POMK: variants seen among roughly 807,000 people sequenced by gnomAD.
POMK encodes the protein protein O-mannose kinase, also known as Sugen kinase 196.
A neutral mutation model predicts 23.0 loss-of-function variants in POMK; 19 were observed. The ratio of observed to expected loss-of-function variants is 0.83; its 90% CI spans 0.58 to 1.21. The LOEUF (loss-of-function observed/expected upper bound fraction) is 1.21, where lower values mean the gene tolerates loss of function less well. Among genes scored for constraint, POMK ranks in the 50% most tolerant of loss-of-function variants. The pLI is 0.00. For synonymous variants in POMK, 173 were observed against 171.6 expected, an observed-to-expected ratio of 1.01 and a Z score of -0.06; for missense variants, 410 against 431.3, an observed-to-expected ratio of 0.95 and a Z score of 0.44.
chr8:43,101,142 G>A (rs1355906060), intron 2 of POMK, among the ~76,000 whole-genome samples: 1 of 152,024 alleles, frequency 6.6e-6, no homozygotes, highest in Non-Finnish European at 1.5e-5. Flanking sequence ...AATTTAAAAG[G>A]CCAGGTGCAG....
Position 43,122,558 on chromosome 8 carries a change from G to T in POMK, c.734G>T (p.Gly245Val), listed in dbSNP as rs772247645. 6.2e-7 allele frequency: 1 copy of T among 1,614,176 alleles called. No individual in the cohort carries two copies. The highest frequency in any genetic ancestry group is 2.2e-5 in the East Asian group (1 of 44,886). Reference sequence around the variant, plus strand: ...AGCTCCGGGATGCTGGTGAAGTGCGGCCACAGGGAGCTGCATGGGGATTTC... The same window carrying T: ...AGCTCCGGGATGCTGGTGAAGTGCGTCCACAGGGAGCTGCATGGGGATTTC... ...NHSSGMLVKC[G>V]HRELHGDFVA... The change falls in exon 5 of 5, where the codon GGC becomes GTC. Residue 245 changes from glycine to valine, a missense_variant. Gly to Val is a moderately radical substitution (Grantham distance 109, BLOSUM62 -3). Transcript: ENST00000331373.
intron 4 of POMK, among the ~76,000 whole-genome samples, chr8:43,115,398 C>T (rs909204068): frequency 1.6e-4 from 24 of 152,310 alleles, no homozygotes; most frequent in African/African-American, 5.1e-4. Flanking sequence ...AAACTCACCA[C>T]GTCACAGATC....
chr8:43,122,744 T>C lies in POMK; in HGVS notation c.920T>C (p.Phe307Ser). 6.2e-7 allele frequency: 1 copy of C among 1,614,198 alleles called. No homozygotes were observed. Among genetic ancestry groups the C allele is most frequent in the Non-Finnish European group, 8.5e-7 (1 of 1,180,042 alleles). The part of the protein sequence containing the change: ...EGSDMVRFHL[F>S]DIHKACKSQT... ...AGTGATATGGTCCGATTCCATTTGT[T>C]TGATATTCACAAAGCATGCAAGAGC... Residue 307 changes from phenylalanine to serine, a missense_variant, in exon 5 of 5, where the codon TTT becomes TCT. Transcript: ENST00000331373.
At chr8:43,098,785 A>G (rs890997291) in intron 2 of POMK, among the ~76,000 whole-genome samples, 3 of 152,088 alleles carry the variant, frequency 2.0e-5, no homozygotes, top group African/African-American at 7.2e-5. Flanking sequence ...TTTTTGTATT[A>G]TAGCCATCCT....
intron 4 of POMK, among the ~76,000 whole-genome samples, chr8:43,121,850 T>C (rs1430845165): frequency 6.6e-6 from 1 of 152,232 alleles, no homozygotes; most frequent in African/African-American, 2.4e-5. Context: ...GCAGCAGCTC[T>C]CAGTGTCCTG....
intron 1 of POMK, among the ~76,000 whole-genome samples, chr8:43,094,573 A>G (rs907222115): frequency 1.3e-5 from 2 of 152,198 alleles, no homozygotes; most frequent in Non-Finnish European, 2.9e-5. Flanking sequence ...CCTTTGCTAT[A>G]GAACCTTAAG....
intron 1 of POMK, among the ~76,000 whole-genome samples, chr8:43,094,658 A>T (rs990356170): frequency 6.6e-6 from 1 of 152,284 alleles, no homozygotes; most frequent in Non-Finnish European, 1.5e-5. Flanking sequence ...ATGGAATTCT[A>T]CTCTAAACTG....
rs771820969 is a variant in POMK, at chr8:43,122,928, A to G, written c.*51A>G. On this transcript the variant is annotated 3_prime_UTR_variant, in exon 5 of 5. Transcript: ENST00000331373. ...GATTGAAGGGCTGAATGGAAGTTAC[A>G]GCATTCTACTCTGATGGTGGAGTTT... 2 of 1,489,812 alleles carry G rather than the reference A, an allele frequency of 1.3e-6. No homozygotes were observed. Among genetic ancestry groups the G allele is most frequent in the Admixed American group, 4.0e-5 (2 of 50,378 alleles). The allele number at this position is 1,489,812 out of a possible 1,614,324, so 92.3% of individuals were successfully genotyped here.
At chr8:43,098,944 A>C (rs1424002011) in intron 2 of POMK, among the ~76,000 whole-genome samples, 6 of 152,046 alleles carry the variant, frequency 3.9e-5, no homozygotes, top group African/African-American at 1.4e-4. Flanking sequence ...CCCATTTTAA[A>C]AATTTTATTT....
chr8:43,112,606 T>C (rs1811699264), intron 4 of POMK, among the ~76,000 whole-genome samples: 1 of 151,880 alleles, frequency 6.6e-6, no homozygotes, highest in Non-Finnish European at 1.5e-5. Context: ...CCAAGACACA[T>C]AATTGTCAGA....
Position 43,097,557 on chromosome 8 carries a change from A to G in POMK, c.-176A>G, listed in dbSNP as rs141174118. 7.4e-4 allele frequency: 112 copies of G among 152,338 alleles called. No individual in the cohort carries two copies. Among genetic ancestry groups the G allele is most frequent in the African/African-American group, 2.6e-3 (108 of 41,560 alleles). The allele number at this position is 152,338 out of a possible 1,614,324, so 9.4% of individuals were successfully genotyped here. A position where few individuals can be genotyped will look rare whatever the true frequency, so the allele number is the denominator to read the frequency against. On this transcript the variant is annotated 5_prime_UTR_variant, in exon 2 of 5. An upstream start codon of the reference 5' UTR is lost. Coordinates refer to ENST00000331373, the MANE Select transcript of POMK (RefSeq NM_032237.5). ...TCCTGTTTGCTGTGTAATCCTGAGA[A>G]TGGACTGCAAGAGAGGAAAAACTGG...
intron 4 of POMK, among the ~76,000 whole-genome samples, chr8:43,111,489 C>G (rs1811663323): frequency 6.6e-6 from 1 of 152,252 alleles, no homozygotes; most frequent in South Asian, 2.1e-4. Flanking sequence ...GGCTCCACCT[C>G]TGGGGGCAGG....
intron 4 of POMK, among the ~76,000 whole-genome samples, chr8:43,118,339 C>T (rs938808029): frequency 6.6e-6 from 1 of 152,082 alleles, no homozygotes; most frequent in Non-Finnish European, 1.5e-5. Context: ...AGTATAACAG[C>T]AAACCCAAAT....
Position 43,122,847 on chromosome 8 carries a change from C to A in POMK, c.1023C>A (p.Ala341=). 1 of 1,612,564 alleles carries A rather than the reference C, an allele frequency of 6.2e-7. No homozygotes were observed. The highest frequency in any genetic ancestry group is 8.5e-7 in the Non-Finnish European group (1 of 1,179,682). The change falls in exon 5 of 5, where the codon GCC becomes GCA. Residue 341 remains alanine, a synonymous_variant. Transcript: ENST00000331373. ...YQKVLDTLRD[A]MMSQAREML is the part of the protein sequence containing the mutation. ...AGGTCTTGGATACACTTAGAGATGC[C>A]ATGATGTCTCAGGCAAGAGAGATGC...
At chr8:43,113,596 T>G (rs1004603304) in intron 4 of POMK, among the ~76,000 whole-genome samples, 3 of 152,106 alleles carry the variant, frequency 2.0e-5, no homozygotes, top group Admixed American at 6.5e-5. Context: ...GTCTGAAGCC[T>G]TCTTCTCTGA....
chr8:43,101,417 CAAAAAAA>C (rs1156411465), intron 2 of POMK, among the ~76,000 whole-genome samples: 1 of 57,544 alleles, frequency 1.7e-5, no homozygotes, highest in Admixed American at 2.0e-4. Flanking sequence ...GACCCTATGT[CAAAAAAA>C]AAAAAAAAAA....
At chr8:43,115,570 C>T (rs1322086836) in intron 4 of POMK, among the ~76,000 whole-genome samples, 1 of 152,150 alleles carries the variant, frequency 6.6e-6, no homozygotes, top group Non-Finnish European at 1.5e-5. Flanking sequence ...TTTGACCACT[C>T]CTCAGGCTTG....
rs892974775 is a variant in POMK, at chr8:43,121,213, GCACA to G, written c.283-892_283-889del. ...TAACCTTTATTTGAACAATGACATG[GCACA>G]CTGCTTGCAGAATGAGCCTGGGGCA... is the stretch of plus-strand genomic sequence containing the variant. On this transcript the variant is annotated intron_variant, in intron 4 of 4. Transcript: ENST00000331373. Among the ~76,000 whole-genome samples, 7 of 152,312 alleles carry G rather than the reference GCACA, an allele frequency of 4.6e-5. No homozygotes were observed. The Middle Eastern group carries it at 0.01, about 222-fold the overall frequency.
intron 4 of POMK, among the ~76,000 whole-genome samples, chr8:43,112,059 T>G (rs1455251569): frequency 6.6e-6 from 1 of 151,912 alleles, no homozygotes; most frequent in East Asian, 1.9e-4. Flanking sequence ...GGAACAAAAC[T>G]GGACGGAGAA....
Sources: allele counts gnomAD v4.1 joint callset (sites outside exome capture counted in the v4.1 genomes callset), GRCh38; gene constraint gnomAD v4.1.1; transcripts MANE v1.5; gene names NCBI Gene and HGNC (gene_info 2026-07-23, HGNC 2026-07-21).